Variants in KCNN2 observed in about 807,000 individuals in gnomAD.
KCNN2 encodes potassium calcium-activated channel subfamily N member 2.
Under a neutral mutation model 55.5 loss-of-function variants are expected in KCNN2, and 24 were observed. The ratio of observed to expected loss-of-function variants is 0.43; its 90% CI spans 0.31 to 0.61. KCNN2 has a LOEUF of 0.61. Among genes scored for constraint, KCNN2 ranks in the 20% least tolerant of loss-of-function variants. The probability of loss-of-function intolerance (pLI) is 0.08; values close to 1 mark genes in which losing one functional copy is unlikely to be tolerated. For synonymous variants in KCNN2, 431 were observed against 336.1 expected, an observed-to-expected ratio of 1.28 and a Z score of -3.09; for missense variants, 754 against 853.6, an observed-to-expected ratio of 0.88 and a Z score of 1.45.
intron 1 of KCNN2, among the ~76,000 whole-genome samples, chr5:114,185,018 T>C (rs1434717376): frequency 6.6e-6 from 1 of 152,262 alleles, no homozygotes; most frequent in African/African-American, 2.4e-5. Context: ...GGTGTTTAAA[T>C]GAAGTGCTGC....
chr5:114,120,773 T>A (rs1316491818), intron 1 of KCNN2, among the ~76,000 whole-genome samples: 1 of 152,206 alleles, frequency 6.6e-6, no homozygotes, highest in Non-Finnish European at 1.5e-5. Flanking sequence ...TTTTTTGTAT[T>A]TATTCAGATT....
chr5:114,182,175 A>G (rs1490462377), intron 1 of KCNN2, among the ~76,000 whole-genome samples: 2 of 152,104 alleles, frequency 1.3e-5, no homozygotes, highest in Non-Finnish European at 2.9e-5. Flanking sequence ...CTTTAGAATT[A>G]TCAATCTACT....
intron 2 of KCNN2, among the ~76,000 whole-genome samples, chr5:114,295,833 G>T (rs531085667): frequency 2.4e-4 from 36 of 152,164 alleles, no homozygotes; most frequent in South Asian, 1.5e-3. Context: ...TTCCTATTTG[G>T]CCATCTTGGC....
At chr5:114,366,322 C>A (rs143524216) in intron 2 of KCNN2, among the ~76,000 whole-genome samples, 161 of 152,170 alleles carry the variant, frequency 1.1e-3, no homozygotes, top group African/African-American at 3.7e-3. Context: ...TTTTAAAATT[C>A]GGTTTATTTT....
At chr5:114,315,537 T>G (rs150009551) in intron 2 of KCNN2, among the ~76,000 whole-genome samples, 3 of 151,378 alleles carry the variant, frequency 2.0e-5, no homozygotes, top group African/African-American at 7.2e-5. Context: ...CATATTTTAT[T>G]ACTTATTTTA....
At chr5:114,090,082 G>T (rs1471714133) in intron 1 of KCNN2, among the ~76,000 whole-genome samples, 1 of 152,154 alleles carries the variant, frequency 6.6e-6, no homozygotes, top group Non-Finnish European at 1.5e-5. Flanking sequence ...ATGAATTTCA[G>T]TGTGTGAACT....
At chr5:114,317,859 C>A (rs1055855757) in intron 2 of KCNN2, among the ~76,000 whole-genome samples, 2 of 152,234 alleles carry the variant, frequency 1.3e-5, no homozygotes, top group East Asian at 1.9e-4. Flanking sequence ...CGACTGCCTG[C>A]CGCAGGCAAC....
intron 1 of KCNN2, among the ~76,000 whole-genome samples, chr5:114,209,626 G>A (rs1753838987): frequency 6.6e-6 from 1 of 151,826 alleles, no homozygotes. Context: ...TGAGGATGTG[G>A]GTTTATAAAA....
chr5:114,145,479 T>A (rs1384918045), intron 1 of KCNN2, among the ~76,000 whole-genome samples: 2 of 152,182 alleles, frequency 1.3e-5, no homozygotes, highest in Non-Finnish European at 2.9e-5. Context: ...AGAGCCCTGA[T>A]ACCAAGTGTC....
intron 6 of KCNN2, chr5:114,488,991 G>A (rs181109809): frequency 8.5e-5 from 13 of 152,238 alleles, no homozygotes; most frequent in African/African-American, 3.1e-4. Flanking sequence ...ACATCCCATT[G>A]CCTCCAGGAT....
chr5:114,157,312 A>C (rs1752656986), intron 1 of KCNN2, among the ~76,000 whole-genome samples: 1 of 151,960 alleles, frequency 6.6e-6, no homozygotes, highest in African/African-American at 2.4e-5. Flanking sequence ...AGCTTCATCC[A>C]TGTCCCTACA....
At chr5:114,252,857 G>T (rs949067954) in intron 2 of KCNN2, among the ~76,000 whole-genome samples, 1 of 152,050 alleles carries the variant, frequency 6.6e-6, no homozygotes, top group African/African-American at 2.4e-5. Flanking sequence ...GAGAGACGAG[G>T]ACTGAAAAGA....
intron 1 of KCNN2, among the ~76,000 whole-genome samples, chr5:114,129,737 C>T (rs1473619917): frequency 6.6e-6 from 1 of 152,190 alleles, no homozygotes; most frequent in African/African-American, 2.4e-5. Flanking sequence ...CCAATTTCCT[C>T]CTTGTCAGGG....
chr5:114,487,153 G>A lies in KCNN2; in HGVS notation c.1994G>A (p.Arg665Gln). The change falls in exon 6 of 8, where the codon CGA (arginine) becomes CAA (glutamine). Residue 665 changes from arginine (R) to glutamine (Q), a missense_variant. Arg to Gln is a conservative substitution (Grantham distance 43, BLOSUM62 1). This residue lies in a region of KCNN2 where 86 missense variants were observed against 233.0 expected (regional missense o/e 0.37). Coordinates refer to ENST00000673685, the MANE Select transcript of KCNN2 (RefSeq NM_021614.4). ...IDHAKVRKHQ[R>Q]KFLQAIHQLR... ...CATGCAAAAGTAAGAAAACATCAAC[G>A]AAAATTCCTGCAAGCTATTCATCAG... The A allele has an allele frequency of 1.2e-6, 2 of 1,612,722 alleles. No homozygotes were observed. Among genetic ancestry groups the A allele is most frequent in the Non-Finnish European group, 1.7e-6 (2 of 1,179,110 alleles).
chr5:114,272,612 C>G (rs954971987), intron 2 of KCNN2, among the ~76,000 whole-genome samples: 1 of 151,968 alleles, frequency 6.6e-6, no homozygotes, highest in African/African-American at 2.4e-5. Flanking sequence ...TTCTAGAGAC[C>G]TTTTGTTGTC....
chr5:114,297,346 A>G lies in KCNN2; in HGVS notation c.-184-63599A>G, dbSNP rs139719879. On this transcript the variant is annotated intron_variant, in intron 2 of 10. Transcript: ENST00000512097. ...AATAGAGAAATAATCTTTAAAAATAATTTATTAATTATAAAATATAAAAGC... is the reference window on the plus strand; with the variant it reads ...AATAGAGAAATAATCTTTAAAAATAGTTTATTAATTATAAAATATAAAAGC... Among the ~76,000 whole-genome samples, 520 of 152,126 alleles carry G rather than the reference A, an allele frequency of 3.4e-3. 7 individuals are homozygous for G. Among genetic ancestry groups the G allele is most frequent in the African/African-American group, 0.011 (452 of 41,552 alleles).
At chr5:114,171,616 T>G (rs1038905531) in intron 1 of KCNN2, among the ~76,000 whole-genome samples, 1 of 151,672 alleles carries the variant, frequency 6.6e-6, no homozygotes, top group Non-Finnish European at 1.5e-5. Context: ...TTAAGGACTT[T>G]CCTCTCTAAA....
intron 3 of KCNN2, among the ~76,000 whole-genome samples, chr5:114,443,343 G>A (rs1580841713): frequency 6.6e-6 from 1 of 151,952 alleles, no homozygotes; most frequent in East Asian, 1.9e-4. Context: ...AAGAACATGG[G>A]GGTCATTAAT....
chr5:114,296,253 C>T (rs540342428), intron 2 of KCNN2, among the ~76,000 whole-genome samples: 35 of 152,298 alleles, frequency 2.3e-4, no homozygotes, highest in African/African-American at 8.4e-4. Flanking sequence ...AAGTCATCTC[C>T]ACCCTGGAAA....
Sources: gnomAD v4.1 joint callset for allele counts (sites outside exome capture counted in the v4.1 genomes callset) on GRCh38, gnomAD v4.1.1 for gene constraint, gnomAD v4.1.1 regional missense constraint, MANE v1.5 for transcripts, NCBI Gene and HGNC (gene_info 2026-07-23, HGNC 2026-07-21) for gene names.